NR6A1: variants seen among roughly 807,000 people sequenced by gnomAD.
The protein encoded by NR6A1 is nuclear receptor subfamily 6 group A member 1, also known as retinoic acid receptor-related testis-associated receptor.
Under a neutral mutation model 59.1 loss-of-function variants are expected in NR6A1, and 7 were observed. That is an observed-to-expected ratio of 0.12 (90% CI 0.07 to 0.22). The LOEUF (loss-of-function observed/expected upper bound fraction) is 0.22. Ranked by LOEUF, NR6A1 falls within the 10% of genes least tolerant of loss-of-function variation. The pLI is 1.00. For missense variants in NR6A1, 468 were observed against 611.6 expected (o/e 0.77, Z 2.48); for synonymous variants, 243 against 236.1 (o/e 1.03, Z -0.27).
chr9:124,761,213 C>G (rs924290080), intron 1 of NR6A1, among the ~76,000 whole-genome samples: 1 of 152,192 alleles, frequency 6.6e-6, no homozygotes, highest in African/African-American at 2.4e-5. Flanking sequence ...TTTCTTATAA[C>G]TAAGCTGCAA....
At chr9:124,541,316 C>A (rs146758239) in intron 4 of NR6A1, among the ~76,000 whole-genome samples, 2,865 of 152,068 alleles carry the variant, frequency 0.019, 52 homozygotes, top group South Asian at 0.078. Context: ...GAAAAATGAA[C>A]AAGAAACTTG....
chr9:124,601,527 T>C (rs1028499257), intron 2 of NR6A1, among the ~76,000 whole-genome samples: 40 of 138,630 alleles, frequency 2.9e-4, no homozygotes, highest in Non-Finnish European at 4.5e-4. Flanking sequence ...GAGCTTGCAG[T>C]GAGCCTAGAT....
At chr9:124,554,920 T>C (rs999971077) in intron 2 of NR6A1, among the ~76,000 whole-genome samples, 5 of 152,162 alleles carry the variant, frequency 3.3e-5, no homozygotes, top group African/African-American at 1.2e-4. Flanking sequence ...ACTTACCATA[T>C]ATGTAAGGGC....
At chr9:124,728,669 T>TAAATAAATAAAG (rs1400030604) in intron 2 of NR6A1, among the ~76,000 whole-genome samples, 2 of 151,736 alleles carry the variant, frequency 1.3e-5, no homozygotes, top group African/African-American at 4.8e-5. Flanking sequence ...AATAAATAAA[T>TAAATAAATAAAG]AAAGTACTTG....
rs566441481 is a variant in NR6A1 at position 124,536,053 on chromosome 9, T to C, written c.904A>G (p.Ile302Val). 3.1e-5 allele frequency: 50 copies of C among 1,614,176 alleles called. No homozygotes were observed. In the East Asian group the frequency reaches 1.0e-3, roughly 34 times the overall value. The change falls in exon 7 of 10, where the codon ATC (isoleucine) becomes GTC (valine). Residue 302 changes from isoleucine to valine, a missense_variant. Around this residue, in one of 4 missense-constraint regions of NR6A1, gnomAD observed 176 missense variants for 264.0 expected, o/e 0.67. Transcript: ENST00000487099. Reference sequence around the variant, plus strand: ...TCGCAGAAGAAAGGCAGTTTCTTGATCCAGGCAATCTGCCTAAAGAGCAGC... The same window carrying C: ...TCGCAGAAGAAAGGCAGTTTCTTGACCCAGGCAATCTGCCTAAAGAGCAGC... ...DELLFRQIAWIKKLPFFCELS... is the reference protein window; with the variant it reads ...DELLFRQIAWVKKLPFFCELS...
At chr9:124,665,332 C>T (rs1441468429) in intron 2 of NR6A1, among the ~76,000 whole-genome samples, 1 of 152,116 alleles carries the variant, frequency 6.6e-6, no homozygotes, top group African/African-American at 2.4e-5. Context: ...ACGCTCAGCT[C>T]CATTTCATTC....
chr9:124,654,798 T>G (rs1837203564), intron 2 of NR6A1, among the ~76,000 whole-genome samples: 1 of 151,848 alleles, frequency 6.6e-6, no homozygotes, highest in African/African-American at 2.4e-5. Context: ...CATTAGAATG[T>G]AAGCTCCATA....
At chr9:124,756,293 A>G (rs1215822823) in intron 1 of NR6A1, among the ~76,000 whole-genome samples, 1 of 152,224 alleles carries the variant, frequency 6.6e-6, no homozygotes, top group Non-Finnish European at 1.5e-5. Context: ...GTTGAGAGAA[A>G]GAGCAGCTGG....
At chr9:124,592,535 C>T (rs946988350) in intron 2 of NR6A1, among the ~76,000 whole-genome samples, 1 of 151,978 alleles carries the variant, frequency 6.6e-6, no homozygotes, top group African/African-American at 2.4e-5. Context: ...AAAAGGGTAC[C>T]GATTAGAGAT....
chr9:124,721,055 GAAC>G (rs1376652662), intron 2 of NR6A1, among the ~76,000 whole-genome samples: 1 of 152,130 alleles, frequency 6.6e-6, no homozygotes, highest in Admixed American at 6.5e-5. Flanking sequence ...CCCATGGAAA[GAAC>G]AACTGCAGAA....
chr9:124,522,901 G>T, intron 9 of NR6A1, 108 bp from the exon 10 acceptor site: 1 of 807,904 alleles, frequency 1.2e-6, no homozygotes, highest in Non-Finnish European at 2.0e-6. Context: ...TGAGTGACTG[G>T]GGCAAGAGAA....
At chr9:124,591,650 T>G (rs905094530) in intron 2 of NR6A1, among the ~76,000 whole-genome samples, 5 of 152,186 alleles carry the variant, frequency 3.3e-5, no homozygotes, top group African/African-American at 4.8e-5. Context: ...TGACCTTCCA[T>G]GCTTCTCATC....
intron 2 of NR6A1, among the ~76,000 whole-genome samples, chr9:124,678,109 A>G (rs1205053630): frequency 6.6e-6 from 1 of 152,220 alleles, no homozygotes; most frequent in African/African-American, 2.4e-5. Context: ...ATTTAAACCT[A>G]AATGTTTTTA....
chr9:124,766,699 A>G (rs1337799931), intron 1 of NR6A1, among the ~76,000 whole-genome samples: 2 of 152,232 alleles, frequency 1.3e-5, no homozygotes. Context: ...ATTTGGCTAT[A>G]AATCAAAAAT....
At chr9:124,524,949 C>T in intron 8 of NR6A1, 76 bp from the exon 9 acceptor site, 1 of 1,459,650 alleles carries the variant, frequency 6.9e-7, no homozygotes. Flanking sequence ...AACACCAGCT[C>T]CTTAAATATG....
intron 2 of NR6A1, among the ~76,000 whole-genome samples, chr9:124,703,521 A>G (rs1839029896): frequency 6.6e-6 from 1 of 151,636 alleles, no homozygotes; most frequent in Non-Finnish European, 1.5e-5. Context: ...CCTACCTTTT[A>G]GTGGAATGTT....
chr9:124,545,457 G>C (rs1390676190), intron 3 of NR6A1, among the ~76,000 whole-genome samples: 2 of 152,196 alleles, frequency 1.3e-5, no homozygotes, highest in Non-Finnish European at 2.9e-5. Flanking sequence ...TTGTGAATTT[G>C]GAGTAAGAAA....
chr9:124,648,030 G>A (rs1443710229), intron 2 of NR6A1, among the ~76,000 whole-genome samples: 2 of 152,044 alleles, frequency 1.3e-5, no homozygotes, highest in Non-Finnish European at 2.9e-5. Context: ...TATCTCTGAT[G>A]AACACAGATG....
At chr9:124,654,780 T>G (rs1255146297) in intron 2 of NR6A1, among the ~76,000 whole-genome samples, 2 of 152,128 alleles carry the variant, frequency 1.3e-5, no homozygotes, top group African/African-American at 2.4e-5. Context: ...TTCATTTTTC[T>G]GTCTCCCCAT....
Sources: gnomAD v4.1 joint callset for allele counts (sites outside exome capture counted in the v4.1 genomes callset) on GRCh38, gnomAD v4.1.1 for gene constraint, gnomAD v4.1.1 regional missense constraint, MANE v1.5 for transcripts, NCBI Gene and HGNC (gene_info 2026-07-23, HGNC 2026-07-21) for gene names.